The following EEF2 variants were observed in gnomAD, a reference collection of about 807,000 sequenced individuals.
The protein encoded by EEF2 is eukaryotic translation elongation factor 2.
Under a neutral mutation model 85.3 loss-of-function variants are expected in EEF2, and 21 were observed. The ratio of observed to expected loss-of-function variants is 0.25; its 90% confidence interval spans 0.17 to 0.35. The LOEUF (loss-of-function observed/expected upper bound fraction) is 0.35. EEF2 is among the 10% of genes least tolerant of loss of function. The pLI, the probability that EEF2 is intolerant of heterozygous loss-of-function variation, is 1.00. For synonymous variants in EEF2, 723 were observed against 508.8 expected, an observed-to-expected ratio of 1.42 and a Z score of -5.67; for missense variants, 825 against 1,225.3, an observed-to-expected ratio of 0.67 and a Z score of 4.88.
chr19:3,984,048 A>C, intron 2 of EEF2, 88 bp downstream of exon 2: 1 of 1,415,970 alleles, frequency 7.1e-7, no homozygotes, highest in East Asian at 2.3e-5. Flanking sequence ...GACGTTGCCA[A>C]GTCTCTCCCC....
At chr19:3,984,634 T>C (rs953310233) in intron 1 of EEF2, among the ~76,000 whole-genome samples, 1 of 152,192 alleles carries the variant, frequency 6.6e-6, no homozygotes, top group Admixed American at 6.5e-5. Flanking sequence ...CAGGTACAAA[T>C]ACTAAAGTCT....
Position 3,977,461 on chromosome 19 carries a change from G to C in EEF2, c.2217C>G (p.Arg739=), listed in dbSNP as rs1364331085. The stretch of plus-strand genomic sequence containing the variant: ...CCACAAGGTAGATGGGCTCCATGAG[G>C]CGTGGCTGGGCGGTCAGCACACTGG... ...LYASVLTAQP[R]LMEPIYLVEI... The change falls in exon 13 of 15, where the codon CGC becomes CGG. Residue 739 remains arginine (R), a synonymous_variant. Coordinates refer to ENST00000309311, the MANE Select transcript of EEF2 (RefSeq NM_001961.4). The surrounding 1 kb of genome is among the most constrained non-coding windows in gnomAD (Gnocchi z 5.4). 2.3e-5 allele frequency: 37 copies of C among 1,581,022 alleles called. No homozygotes were observed. The highest frequency in any genetic ancestry group is 3.2e-5 in the Non-Finnish European group (37 of 1,165,630).
Position 3,977,802 on chromosome 19 carries a change from G to T in EEF2, c.2067+17C>A, listed in dbSNP as rs776225912. 31 of 1,565,460 alleles carry T rather than the reference G, an allele frequency of 2.0e-5. No individual in the cohort carries two copies. In the South Asian group the frequency reaches 2.8e-4, roughly 14 times the overall value. On this transcript the variant is annotated intron_variant, in intron 12 of 14. Transcript: ENST00000309311. The surrounding 1 kb of genome is among the most constrained non-coding windows in gnomAD (Gnocchi z 5.4). ...CTGGAAACGGGTGTGGTCTGCACAT[G>T]CTGAGCCGTGCCTCACCTCCTTGGT...
At chr19:3,982,569 G>C in intron 4 of EEF2, 145 bp from the exon 5 acceptor site, 3 of 1,182,374 alleles carry the variant, frequency 2.5e-6, no homozygotes, top group South Asian at 1.2e-5. Flanking sequence ...CAGTCATCAC[G>C]AATAGGGGGG....
rs777077931 is a variant in EEF2 at position 3,977,236 on chromosome 19, G to A, written c.2362C>T (p.Leu788=). Residue 788 remains leucine, a synonymous_variant, in exon 14 of 15, where the codon CTG becomes TTG. Transcript: ENST00000309311. The surrounding 1 kb of genome is among the most constrained non-coding windows in gnomAD (Gnocchi z 5.4). The part of the protein sequence containing the change: ...GTPMFVVKAY[L]PVNESFGFTA... Reference sequence around the variant, plus strand: ...TCACCAAAGGACTCGTTGACGGGCAGATAGGCCTTGACCACAAACATGGGG... The same window carrying A: ...TCACCAAAGGACTCGTTGACGGGCAAATAGGCCTTGACCACAAACATGGGG... 21 of 1,613,636 alleles carry A rather than the reference G, an allele frequency of 1.3e-5. No individual in the cohort carries two copies. Among genetic ancestry groups the A allele is most frequent in the Admixed American group, 1.7e-5 (1 of 59,978 alleles).
chr19:3,980,390 C>T (rs1260292702), intron 9 of EEF2, 124 bp downstream of exon 9: 6 of 1,258,484 alleles, frequency 4.8e-6, no homozygotes, highest in Non-Finnish European at 6.5e-6. Flanking sequence ...GTGGCTGGCA[C>T]AAGTATCACC....
chr19:3,982,561 G>A (rs780714168), intron 4 of EEF2, 137 bp from the exon 5 acceptor site: 4 of 1,251,924 alleles, frequency 3.2e-6, no homozygotes, highest in East Asian at 2.3e-5. Flanking sequence ...GAAATGATCA[G>A]TCATCACGAA....
intron 4 of EEF2, 181 bp from the exon 5 acceptor site, chr19:3,982,605 C>T: frequency 6.7e-6 from 7 of 1,051,410 alleles, no homozygotes; most frequent in Non-Finnish European, 1.0e-5. Context: ...CCCAGGGCAG[C>T]GTTCCCTGAG....
chr19:3,980,112 T>C, intron 9 of EEF2, 46 bp from the exon 10 acceptor site: 1 of 1,587,870 alleles, frequency 6.3e-7, no homozygotes, highest in South Asian at 1.1e-5. Flanking sequence ...ATGGTTGTGC[T>C]GGACCCTGGA....
In EEF2 at chr19:3,983,294, G is replaced by A. The variant is rs111408370; in HGVS notation, c.219-3C>T. 2.5e-5 allele frequency: 40 copies of A among 1,612,414 alleles called. No individual in the cohort carries two copies. The highest frequency in any genetic ancestry group is 3.0e-5 in the Non-Finnish European group (35 of 1,179,078). On this transcript the variant is annotated splice_polypyrimidine_tract_variant and splice_region_variant and intron_variant, in intron 2 of 14. Transcript: ENST00000309311. ...GCTCGTAGAAGAGGGAGATGGCACT[G>A]ATGGAGGGAGGGACTCGTCAGGGGG...
rs1445730304 is a variant in EEF2, at chr19:3,982,358, G to C, written c.679C>G (p.Gln227Glu). ...GLHGWAFTLK[Q>E]FAEMYVAKFA... ...TTGGCCACATACATCTCGGCAAACT[G>C]CTTCAGGGTGAAGGCCCACCCGTGG... Residue 227 changes from glutamine to glutamate, a missense_variant, in exon 5 of 15, where the codon CAG becomes GAG. Physicochemically the swap from Gln to Glu is conservative, Grantham distance 29. Transcript: ENST00000309311. 6.2e-7 allele frequency: 1 copy of C among 1,613,986 alleles called. No homozygotes were observed. Among genetic ancestry groups the C allele is most frequent in the Non-Finnish European group, 8.5e-7 (1 of 1,180,036 alleles).
Position 3,984,588 on chromosome 19 carries a change from G to A in EEF2, c.4-238C>T, listed in dbSNP as rs559142034. Among the ~76,000 whole-genome samples, 122 of 152,312 alleles carry A rather than the reference G, an allele frequency of 8.0e-4. 1 individual carries two copies. Among genetic ancestry groups the A allele is most frequent in the African/African-American group, 2.8e-3 (115 of 41,556 alleles). On this transcript the variant is annotated intron_variant, in intron 1 of 14. Coordinates refer to ENST00000309311, the MANE Select transcript of EEF2 (RefSeq NM_001961.4). ...GACAACCCAGAAATAAAAGTGCTCA[G>A]GAATAAAACTGAGTGTCAACAGATT...
rs377462397 is a variant in EEF2, at chr19:3,983,316, G to A, written c.219-25C>T. ...ACTGATGGAGGGAGGGACTCGTCAGGGGGACAGGAGCCACACACCTGGCCC... is the reference window on the plus strand; with the variant it reads ...ACTGATGGAGGGAGGGACTCGTCAGAGGGACAGGAGCCACACACCTGGCCC... On this transcript the variant is annotated intron_variant, in intron 2 of 14. Coordinates refer to ENST00000309311, the MANE Select transcript of EEF2 (RefSeq NM_001961.4). 3.1e-6 allele frequency: 5 copies of A among 1,606,440 alleles called. No individual in the cohort carries two copies. In the African/African-American group the frequency reaches 4.0e-5, roughly 13 times the overall value.
Position 3,977,633 on chromosome 19 carries a change from G to A in EEF2, c.2068-23C>T, listed in dbSNP as rs767415661. ...GCCCTGGGGGAGGGGGAGAGCCACC[G>A]TCAAGGGCCGGACACACCTCGGCTG... On this transcript the variant is annotated intron_variant, in intron 12 of 14. Coordinates refer to ENST00000309311, the MANE Select transcript of EEF2 (RefSeq NM_001961.4). The surrounding 1 kb of genome is among the most constrained non-coding windows in gnomAD (Gnocchi z 5.4). 1.1e-5 allele frequency: 17 copies of A among 1,499,686 alleles called. No homozygotes were observed. Among genetic ancestry groups the A allele is most frequent in the East Asian group, 6.9e-5 (3 of 43,336 alleles). The allele number at this position is 1,499,686 out of a possible 1,614,324, so 92.9% of individuals were successfully genotyped here.
At position 3,976,580 on chromosome 19, in the gene EEF2, G is replaced by C. The variant is rs1229006577; in HGVS notation, c.2551C>G (p.Leu851Val). 1 of 1,609,694 alleles carries C rather than the reference G, an allele frequency of 6.2e-7. No individual in the cohort carries two copies. The highest frequency in any genetic ancestry group is 1.1e-5 in the South Asian group (1 of 90,224). ...RKGLKEGIPA[L>V]DNFLDKL The stretch of plus-strand genomic sequence containing the variant: ...TACAATTTGTCCAGGAAGTTGTCCA[G>C]GGCAGGGATGCCTTCTTTCAGGCCC... Residue 851 changes from leucine (L) to valine (V), a missense_variant, in exon 15 of 15, where the codon CTG (leucine) becomes GTG (valine). By Grantham distance (32) the Leu-to-Val change is conservative (BLOSUM62 1). Coordinates refer to ENST00000309311, the MANE Select transcript of EEF2 (RefSeq NM_001961.4).
At chr19:3,981,604 C>A in intron 6 of EEF2, 152 bp from the exon 7 acceptor site, 2 of 748,142 alleles carry the variant, frequency 2.7e-6, no homozygotes, top group South Asian at 3.4e-5. Flanking sequence ...GCCCAGCCAG[C>A]TGAGCGGATC....
intron 2 of EEF2, chr19:3,983,805 T>C (rs576175057): frequency 2.5e-6 from 1 of 402,226 alleles, no homozygotes; most frequent in Admixed American, 3.9e-5. Context: ...CACAGGAGCT[T>C]CCCAGCGTCC....
chr19:3,985,367 G>C lies in EEF2; in HGVS notation c.3+11C>G. ...GCCGCTCCGGGGCACCAGCGAGGCA[G>C]GGTTACTCACCATGGTGGCGGATGG... On this transcript the variant is annotated intron_variant, in intron 1 of 14. Coordinates refer to ENST00000309311, the MANE Select transcript of EEF2 (RefSeq NM_001961.4). 6.7e-7 allele frequency: 1 copy of C among 1,503,558 alleles called. No homozygotes were observed. The highest frequency in any genetic ancestry group is 8.9e-7 in the Non-Finnish European group (1 of 1,121,310). 93.1% of individuals were successfully genotyped at this position (1,503,558 alleles called of 1,614,324 possible). A position where few individuals can be genotyped will look rare whatever the true frequency, so the allele number is the denominator to read the frequency against.
intron 14 of EEF2, among the ~76,000 whole-genome samples, 175 bp from the exon 15 acceptor site, chr19:3,976,922 C>T (rs917347864): frequency 6.6e-6 from 1 of 152,236 alleles, no homozygotes; most frequent in Non-Finnish European, 1.5e-5. Context: ...GGCCTCATGC[C>T]GCTGCTCGTT....
Sources: allele counts gnomAD v4.1 joint callset (sites outside exome capture counted in the v4.1 genomes callset), GRCh38; gene constraint gnomAD v4.1.1; non-coding constraint Gnocchi (gnomAD v3.1); transcripts MANE v1.5; gene names NCBI Gene and HGNC (gene_info 2026-07-23, HGNC 2026-07-21).